Variants in ACYP2 observed in about 807,000 individuals in gnomAD.
ACYP2 encodes the protein acylphosphatase 2, also known as acylphosphatase-2.
A neutral mutation model predicts 11.2 loss-of-function variants in ACYP2; 12 were observed. The ratio of observed to expected loss-of-function variants is 1.08; its 90% CI spans 0.69 to 1.74. The LOEUF (loss-of-function observed/expected upper bound fraction) is 1.74, where lower values mean the gene tolerates loss of function less well. ACYP2 is among the 40% of genes most tolerant of loss of function. ACYP2 has a pLI of 0.00. For synonymous variants in ACYP2, 43 were observed against 32.2 expected, an observed-to-expected ratio of 1.33 and a Z score of -1.13; for missense variants, 134 against 101.9, an observed-to-expected ratio of 1.31 and a Z score of -1.35.
intron 4 of ACYP2, among the ~76,000 whole-genome samples, chr2:54,097,846 ATTTTC>A (rs1376543215): frequency 6.8e-6 from 1 of 146,120 alleles, no homozygotes; most frequent in Admixed American, 6.9e-5. Context: ...AATTTCTTTT[ATTTTC>A]TTCTTTCTTT....
chr2:54,093,654 C>T (rs373423573), intron 4 of ACYP2, among the ~76,000 whole-genome samples: 2 of 152,254 alleles, frequency 1.3e-5, no homozygotes, highest in African/African-American at 4.8e-5. Flanking sequence ...AAATAAAAAC[C>T]ACTTGGCCGG....
chr2:54,018,346 C>T lies in ACYP2; in HGVS notation c.63-32612C>T, dbSNP rs182714326. 2.2e-4 allele frequency among the ~76,000 whole-genome samples: 33 copies of T among 152,186 alleles called. No individual in the cohort carries two copies. The East Asian group carries it at 6.0e-3, about 28-fold the overall frequency. The stretch of plus-strand genomic sequence containing the variant: ...ATTCAGGGACCATACTTGAGAGCCG[C>T]TGGTATAGTGGGAAAGAAAACATCA... On this transcript the variant is annotated intron_variant, in intron 2 of 6. Coordinates refer to ENST00000607452, the MANE Select transcript of ACYP2 (RefSeq NM_001320586.2).
intron 6 of ACYP2, among the ~76,000 whole-genome samples, chr2:54,252,018 C>G (rs1687247685): frequency 6.6e-6 from 1 of 152,172 alleles, no homozygotes; most frequent in African/African-American, 2.4e-5. Flanking sequence ...GGTCCTTTGT[C>G]TCTGACCTAG....
intron 2 of ACYP2, among the ~76,000 whole-genome samples, chr2:53,984,600 G>A (rs1671931780): frequency 6.6e-6 from 1 of 150,994 alleles, no homozygotes; most frequent in African/African-American, 2.4e-5. Context: ...ATTGAATCCA[G>A]AAAAGTGTGT....
intron 6 of ACYP2, among the ~76,000 whole-genome samples, chr2:54,261,163 CTT>C (rs1687760213): frequency 6.6e-6 from 1 of 152,110 alleles, no homozygotes; most frequent in South Asian, 2.1e-4. Flanking sequence ...TGATATTATT[CTT>C]TGAGTTCATT....
intron 6 of ACYP2, chr2:54,256,199 G>C: frequency 6.5e-7 from 1 of 1,548,996 alleles, no homozygotes; most frequent in Non-Finnish European, 8.7e-7. Context: ...GCCAGAGGTA[G>C]GTAGCGTCAA....
At chr2:54,093,917 G>A (rs553873158) in intron 4 of ACYP2, among the ~76,000 whole-genome samples, 24 of 151,338 alleles carry the variant, frequency 1.6e-4, no homozygotes, top group Middle Eastern at 3.4e-3. Flanking sequence ...TCCAGCCTGG[G>A]TGACAGAACG....
intron 6 of ACYP2, among the ~76,000 whole-genome samples, chr2:54,195,652 C>A (rs1913622): frequency 0.6 from 66,672 of 110,512 alleles, 16,579 homozygotes; most frequent in East Asian, 0.76. Context: ...AAAAAAAAAA[C>A]AAAACACTGT....
intron 6 of ACYP2, chr2:54,253,936 C>T (rs936860599): frequency 6.1e-5 from 9 of 148,236 alleles, no homozygotes; most frequent in African/African-American, 1.8e-4. Flanking sequence ...TTCTGAACTA[C>T]TACTTTTGTT....
At chr2:54,049,009 T>TC (rs1362550058) in intron 2 of ACYP2, among the ~76,000 whole-genome samples, 1 of 152,164 alleles carries the variant, frequency 6.6e-6, no homozygotes, top group African/African-American at 2.4e-5. Flanking sequence ...GTGCAGTGGC[T>TC]CACACCTGTA....
chr2:54,209,465 C>A (rs550484624), intron 6 of ACYP2, among the ~76,000 whole-genome samples: 237 of 152,280 alleles, frequency 1.6e-3, no homozygotes, highest in Non-Finnish European at 2.7e-3. Flanking sequence ...TCAACAAGTA[C>A]ACTTCTTATA....
chr2:54,080,430 C>A (rs1677583468), intron 4 of ACYP2: 1 of 152,152 alleles, frequency 6.6e-6, no homozygotes, highest in African/African-American at 2.4e-5. Flanking sequence ...TACAGAGATA[C>A]CGTAATCTTA....
rs188911662 is a variant in ACYP2 at position 54,031,902 on chromosome 2, C to G, written c.63-19056C>G. Among the ~76,000 whole-genome samples the G allele has an allele frequency of 2.4e-3, 370 of 152,224 alleles. 1 individual carries two copies. The highest frequency in any genetic ancestry group is 6.8e-3 in the Middle Eastern group (2 of 294). On this transcript the variant is annotated intron_variant, in intron 2 of 6. Transcript: ENST00000607452. ...TGACGATGAGCATTTTTTCATGTGT[C>G]TTTTGGCCGCATAAATTTCTTCTTT...
At chr2:54,180,908 C>G (rs1054423304) in intron 6 of ACYP2, among the ~76,000 whole-genome samples, 3 of 152,138 alleles carry the variant, frequency 2.0e-5, no homozygotes, top group Non-Finnish European at 4.4e-5. Flanking sequence ...GAAGGCTCAG[C>G]CCTCACAACC....
At position 54,096,122 on chromosome 2, in the gene ACYP2, G is replaced by C. The variant is rs1364604723; in HGVS notation, c.277+38762G>C. On this transcript the variant is annotated intron_variant, in intron 4 of 6. Coordinates refer to ENST00000607452, the MANE Select transcript of ACYP2 (RefSeq NM_001320586.2). ...ACGCTCCTCACTTCCCAGACGGGGT[G>C]GCTGCTGGGCGGAGGGGCTCCTCAC... Among the ~76,000 whole-genome samples, 16 of 144,496 alleles carry C rather than the reference G, an allele frequency of 1.1e-4. No individual in the cohort carries two copies. In the East Asian group the frequency reaches 2.7e-3, roughly 25 times the overall value. 94.8% of individuals were successfully genotyped at this position (144,496 alleles called of 152,430 possible).
intron 2 of ACYP2, among the ~76,000 whole-genome samples, chr2:54,038,665 A>T (rs1236125070): frequency 8.3e-6 from 1 of 120,218 alleles, no homozygotes; most frequent in Non-Finnish European, 1.7e-5. Flanking sequence ...ATAAATCTTT[A>T]TTGAATACTA....
At chr2:54,137,429 C>T (rs2103780338) in intron 5 of ACYP2, among the ~76,000 whole-genome samples, 1 of 152,240 alleles carries the variant, frequency 6.6e-6, no homozygotes, top group East Asian at 1.9e-4. Flanking sequence ...CCTCTCCCTC[C>T]TCCCACTCTC....
At chr2:54,284,466 C>T (rs72910627) in intron 6 of ACYP2, among the ~76,000 whole-genome samples, 17,094 of 152,086 alleles carry the variant, frequency 0.11, 1,299 homozygotes, top group African/African-American at 0.21. Flanking sequence ...CATTCTTATC[C>T]CTTATTTCAT....
Position 54,081,924 on chromosome 2 carries a change from G to A in ACYP2, c.277+24564G>A, listed in dbSNP as rs188725451. On this transcript the variant is annotated intron_variant, in intron 4 of 6. Coordinates refer to ENST00000607452, the MANE Select transcript of ACYP2 (RefSeq NM_001320586.2). ...GGTAACAGGGATGATTAGGCCACAT[G>A]TCTGTCATCTTCCAGGAAGCTCGTA... Among the ~76,000 whole-genome samples, 4 of 152,320 alleles carry A rather than the reference G, an allele frequency of 2.6e-5. No homozygotes were observed. The East Asian group carries it at 7.7e-4, about 29-fold the overall frequency.
Sources: allele counts gnomAD v4.1 joint callset (sites outside exome capture counted in the v4.1 genomes callset), GRCh38; gene constraint gnomAD v4.1.1; transcripts MANE v1.5; gene names NCBI Gene and HGNC (gene_info 2026-07-23, HGNC 2026-07-21).